MAP3K14: variants seen among roughly 807,000 people sequenced by gnomAD.
The protein encoded by MAP3K14 is mitogen-activated protein kinase kinase kinase 14, also known as NF-kappa-beta-inducing kinase.
In MAP3K14, 16 loss-of-function variants were observed where a neutral mutation model predicts 99.2. The ratio of observed to expected loss-of-function variants is 0.16; its 90% CI spans 0.11 to 0.24. The LOEUF (loss-of-function observed/expected upper bound fraction) is 0.24, where lower values mean the gene tolerates loss of function less well. MAP3K14 is among the 10% of genes least tolerant of loss of function. The pLI is 1.00. For missense variants in MAP3K14, 784 were observed against 1,208.7 expected (o/e 0.65, Z 5.21); for synonymous variants, 462 against 492.4 (o/e 0.94, Z 0.82).
At chr17:45,300,239 A>G (rs1175015499) in intron 1 of MAP3K14, among the ~76,000 whole-genome samples, 1 of 152,192 alleles carries the variant, frequency 6.6e-6, no homozygotes, top group Non-Finnish European at 1.5e-5. Context: ...ACTACTGTCT[A>G]TAAGGCCCCT....
intron 6 of MAP3K14, among the ~76,000 whole-genome samples, chr17:45,276,357 G>A (rs2044180082): frequency 6.6e-6 from 1 of 152,186 alleles, no homozygotes; most frequent in Admixed American, 6.5e-5. Context: ...ATTTCCACAT[G>A]CAAACAGCAG....
intron 5 of MAP3K14, among the ~76,000 whole-genome samples, 176 bp from the exon 6 acceptor site, chr17:45,285,125 G>C (rs537207072): frequency 3.3e-5 from 5 of 152,316 alleles, no homozygotes; most frequent in South Asian, 4.1e-4. Context: ...CACCAGAGAG[G>C]GGGCAGAGGA....
chr17:45,287,266 G>A lies in MAP3K14; in HGVS notation c.425C>T (p.Ala142Val). The change falls in exon 4 of 16, where the codon GCC becomes GTC. Residue 142 changes from alanine (A) to valine (V), a missense_variant. By Grantham distance (64) the Ala-to-Val change is moderately conservative (BLOSUM62 0). This residue lies in a region of MAP3K14 where 188 missense variants were observed against 313.0 expected (regional missense o/e 0.60). Coordinates refer to ENST00000344686, the MANE Select transcript of MAP3K14 (RefSeq NM_003954.5). ...VCWKGKRRSKARKKRKKKSSK... is the reference protein window; with the variant it reads ...VCWKGKRRSKVRKKRKKKSSK... ...GCTCTTCTTCTTCCGTTTCTTCCGG[G>A]CTTTGCTGCGACGCTTTCCCTTCCA... 6.2e-7 allele frequency: 1 copy of A among 1,613,992 alleles called. No individual in the cohort carries two copies. Among genetic ancestry groups the A allele is most frequent in the South Asian group, 1.1e-5 (1 of 91,082 alleles).
At chr17:45,308,061 T>C (rs142857653) in intron 1 of MAP3K14, among the ~76,000 whole-genome samples, 4 of 152,290 alleles carry the variant, frequency 2.6e-5, no homozygotes, top group Non-Finnish European at 5.9e-5. Flanking sequence ...GCTTGGGACA[T>C]GGGGCATGAT....
At chr17:45,285,166 G>A (rs2044253833) in intron 5 of MAP3K14, among the ~76,000 whole-genome samples, 1 of 152,206 alleles carries the variant, frequency 6.6e-6, no homozygotes, top group South Asian at 2.1e-4. Flanking sequence ...GGGTTCATGG[G>A]CTGCGGCCAC....
chr17:45,274,017 C>T (rs1249502533), intron 8 of MAP3K14, 106 bp downstream of exon 8: 1 of 1,346,828 alleles, frequency 7.4e-7, no homozygotes, highest in Admixed American at 2.1e-5. Flanking sequence ...GACTCAGGGC[C>T]TGCTACTGGG....
chr17:45,297,791 C>T (rs538100603), intron 1 of MAP3K14, among the ~76,000 whole-genome samples: 2 of 145,208 alleles, frequency 1.4e-5, no homozygotes, highest in East Asian at 4.1e-4. Context: ...ACAATCTTGG[C>T]TCACTGCAAC....
At chr17:45,276,823 C>CTTTTTTTTTT (rs35012373) in intron 6 of MAP3K14, among the ~76,000 whole-genome samples, 1 of 62,258 alleles carries the variant, frequency 1.6e-5, no homozygotes, top group African/African-American at 7.1e-5. Context: ...TCTTAGACTT[C>CTTTTTTTTTT]TTTTTTTTTT....
rs55666678 is a variant in MAP3K14 at position 45,264,248 on chromosome 17, C to T, written c.*388G>A. ...CACAGCAGCCTGGAGGGTGAGGGGC[C>T]GAGGGGCTCGCCCACCCCTTCTGAC... is the stretch of plus-strand genomic sequence containing the variant. On this transcript the variant is annotated 3_prime_UTR_variant, in exon 16 of 16. Coordinates refer to ENST00000344686, the MANE Select transcript of MAP3K14 (RefSeq NM_003954.5). The T allele has an allele frequency of 1.4e-4, 24 of 177,692 alleles. No individual in the cohort carries two copies. The East Asian group carries it at 3.4e-3, about 25-fold the overall frequency. 11.0% of individuals were successfully genotyped at this position (177,692 alleles called of 1,614,324 possible).
intron 7 of MAP3K14, 101 bp from the exon 8 acceptor site, chr17:45,274,355 G>C: frequency 6.4e-7 from 1 of 1,574,272 alleles, no homozygotes; most frequent in South Asian, 1.2e-5. Context: ...GGGTCACAGG[G>C]TCAAGAGGTT....
chr17:45,307,934 C>T (rs922658908), intron 1 of MAP3K14, among the ~76,000 whole-genome samples: 8 of 152,332 alleles, frequency 5.3e-5, no homozygotes, highest in African/African-American at 1.9e-4. Context: ...TCAGATGCTG[C>T]CCCACATGCT....
At chr17:45,306,155 A>C (rs1360701805) in intron 1 of MAP3K14, among the ~76,000 whole-genome samples, 1 of 152,202 alleles carries the variant, frequency 6.6e-6, no homozygotes, top group Non-Finnish European at 1.5e-5. Context: ...CTCTGTGAGC[A>C]AGGCACTAAT....
In MAP3K14 at chr17:45,284,208, A is replaced by C. The variant is rs1257626002; in HGVS notation, c.1290+604T>G. On this transcript the variant is annotated intron_variant, in intron 6 of 15. Transcript: ENST00000344686. ...CTCTTCTTCCTGAAGAGTGGTTGAA[A>C]GCCGAACTCTCAGGTCAGACAGACC... 2.0e-5 allele frequency among the ~76,000 whole-genome samples: 3 copies of C among 152,194 alleles called. No individual in the cohort carries two copies. In the East Asian group the frequency reaches 5.8e-4, roughly 29 times the overall value.
Position 45,287,388 on chromosome 17 carries a change from C to T in MAP3K14, c.327-24G>A, listed in dbSNP as rs1414838122. ...GGCTGTCACAAAAGGGACAGATTTGCATATTGAGCACGAGGAAGCAGGAAG... is the reference window on the plus strand; with the variant it reads ...GGCTGTCACAAAAGGGACAGATTTGTATATTGAGCACGAGGAAGCAGGAAG... On this transcript the variant is annotated intron_variant, in intron 3 of 15. Transcript: ENST00000344686. 8 of 1,602,738 alleles carry T rather than the reference C, an allele frequency of 5.0e-6. No individual in the cohort carries two copies. In the East Asian group the frequency reaches 1.1e-4, roughly 22 times the overall value.
At chr17:45,290,287 T>C (rs7222094) in intron 2 of MAP3K14, among the ~76,000 whole-genome samples, 82,821 of 152,078 alleles carry the variant, frequency 0.54, 23,377 homozygotes, top group East Asian at 0.88. Flanking sequence ...ATGGGCACAG[T>C]CTCCCCTTGC....
intron 1 of MAP3K14, among the ~76,000 whole-genome samples, chr17:45,300,193 G>C (rs1207002997): frequency 6.6e-6 from 1 of 152,202 alleles, no homozygotes; most frequent in African/African-American, 2.4e-5. Context: ...ACCACCACAT[G>C]CCTGATGATG....
intron 1 of MAP3K14, among the ~76,000 whole-genome samples, chr17:45,306,793 A>G (rs1382355870): frequency 6.6e-6 from 1 of 152,214 alleles, no homozygotes; most frequent in African/African-American, 2.4e-5. Context: ...TCCTTTGCAC[A>G]AGGAGAGCCA....
chr17:45,308,736 T>C (rs1375987972), intron 1 of MAP3K14, among the ~76,000 whole-genome samples: 17 of 151,682 alleles, frequency 1.1e-4, no homozygotes, highest in Non-Finnish European at 1.5e-5. Flanking sequence ...GGTGCGATCA[T>C]GGCTCATTGC....
At chr17:45,271,295 T>A in intron 9 of MAP3K14, 74 bp from the exon 10 acceptor site, 1 of 1,332,190 alleles carries the variant, frequency 7.5e-7, no homozygotes, top group Non-Finnish European at 1.0e-6. Context: ...CCACCCTGGT[T>A]AATCCTCGGG....
Sources: gnomAD v4.1 joint callset for allele counts (sites outside exome capture counted in the v4.1 genomes callset) on GRCh38, gnomAD v4.1.1 for gene constraint, gnomAD v4.1.1 regional missense constraint, MANE v1.5 for transcripts, NCBI Gene and HGNC (gene_info 2026-07-23, HGNC 2026-07-21) for gene names.